CORO1C: variants seen among roughly 807,000 people sequenced by gnomAD.
The protein encoded by CORO1C is coronin 1C.
Under a neutral mutation model 51.2 loss-of-function variants are expected in CORO1C, and 14 were observed. That is an observed-to-expected ratio of 0.27 (90% CI 0.18 to 0.43). CORO1C has a LOEUF of 0.43. Among genes scored for constraint, CORO1C ranks in the 20% least tolerant of loss-of-function variants. CORO1C has a pLI of 1.00. For synonymous variants in CORO1C, 181 were observed against 210.5 expected (o/e 0.86, Z 1.21); for missense variants, 417 against 607.8 (o/e 0.69, Z 3.30).
rs558905344 is a variant in CORO1C, at chr12:108,647,265, G to A, written c.*138C>T. On this transcript the variant is annotated 3_prime_UTR_variant, in exon 11 of 11. Coordinates refer to ENST00000261401, the MANE Select transcript of CORO1C (RefSeq NM_014325.4). ...AGTTCTTACTGGAATGTGGCCTATC[G>A]CTGGTTGACAAATCTGAAATGGAAT... 1.2e-4 allele frequency: 85 copies of A among 722,988 alleles called. No homozygotes were observed. The highest frequency in any genetic ancestry group is 8.7e-4 in the African/African-American group (48 of 54,984). 44.8% of individuals were successfully genotyped at this position (722,988 alleles called of 1,614,324 possible).
intron 6 of CORO1C, among the ~76,000 whole-genome samples, chr12:108,656,810 C>T (rs963454820): frequency 9.2e-5 from 14 of 152,162 alleles, no homozygotes; most frequent in East Asian, 1.9e-4. Context: ...GGATTAAGGG[C>T]GGTGCAAGAT....
chr12:108,708,274 T>C (rs1484102670), intron 1 of CORO1C, among the ~76,000 whole-genome samples: 1 of 152,146 alleles, frequency 6.6e-6, no homozygotes, highest in Non-Finnish European at 1.5e-5. Context: ...AATGTGATAT[T>C]ACCTGTACAA....
Position 108,662,071 on chromosome 12 carries a change from C to T in CORO1C, c.406G>A (p.Val136Met), listed in dbSNP as rs368484021. 6.2e-7 allele frequency: 1 copy of T among 1,614,188 alleles called. No individual in the cohort carries two copies. The highest frequency in any genetic ancestry group is 8.5e-7 in the Non-Finnish European group (1 of 1,180,016). ...LEGHSKRVGI[V>M]AWHPTARNVL... is the part of the protein sequence containing the mutation. The stretch of plus-strand genomic sequence containing the variant: ...TTGCGGGCCGTTGGATGCCAAGCCA[C>T]GATGCCGACTCTCTTTGAGTGGCCT... The change falls in exon 4 of 11, where the codon GTG becomes ATG. Residue 136 changes from valine (V) to methionine (M), a missense_variant. Physicochemically the swap from Val to Met is conservative, Grantham distance 21. Transcript: ENST00000261401.
intron 6 of CORO1C, among the ~76,000 whole-genome samples, chr12:108,655,861 C>A (rs1398080418): frequency 2.0e-5 from 3 of 152,072 alleles, no homozygotes; most frequent in Admixed American, 6.6e-5. Flanking sequence ...ATGTGAGGAG[C>A]CCCTCTGCCC....
At chr12:108,726,111 G>A (rs2035582846) in intron 1 of CORO1C, among the ~76,000 whole-genome samples, 1 of 152,164 alleles carries the variant, frequency 6.6e-6, no homozygotes, top group Admixed American at 6.5e-5. Context: ...GGGATTACAG[G>A]TGTGAGCCAC....
At position 108,728,113 on chromosome 12, in the gene CORO1C, A is replaced by G. The variant is rs144887994; in HGVS notation, c.-6+3316T>C. Among the ~76,000 whole-genome samples, 567 of 152,310 alleles carry G rather than the reference A, an allele frequency of 3.7e-3. 5 individuals are homozygous for G. The highest frequency in any genetic ancestry group is 0.013 in the African/African-American group (538 of 41,576). On this transcript the variant is annotated intron_variant, in intron 1 of 10. Transcript: ENST00000261401. ...ATATACTCTTGGTGAATACCGTAAA[A>G]TGGTGCAGCTGCTTTGGAGAAGTCT...
chr12:108,647,127 C>A lies in CORO1C; in HGVS notation c.*276G>T. 1 of 298,138 alleles carries A rather than the reference C, an allele frequency of 3.4e-6. No homozygotes were observed. The highest frequency in any genetic ancestry group is 6.1e-6 in the Non-Finnish European group (1 of 163,954). The allele number at this position is 298,138 out of a possible 1,614,324, so 18.5% of individuals were successfully genotyped here. On this transcript the variant is annotated 3_prime_UTR_variant, in exon 11 of 11. Transcript: ENST00000261401. ...AGTATCTGGGATTTTAAAAGTAGCA[C>A]TTTTTAAAAAGTTCAACAAGTCACA...
intron 4 of CORO1C, among the ~76,000 whole-genome samples, chr12:108,660,920 A>G (rs778716501): frequency 5.3e-5 from 8 of 152,222 alleles, no homozygotes; most frequent in Admixed American, 1.3e-4. Context: ...TTAACTCACT[A>G]TGAGTCATAA....
chr12:108,662,640 C>T (rs2033320209), intron 3 of CORO1C, among the ~76,000 whole-genome samples: 1 of 152,030 alleles, frequency 6.6e-6, no homozygotes, highest in Non-Finnish European at 1.5e-5. Flanking sequence ...AAGAAAACTA[C>T]AAAATGATTG....
chr12:108,714,385 G>A lies in CORO1C; in HGVS notation c.-5-13062C>T, dbSNP rs188329836. On this transcript the variant is annotated intron_variant, in intron 1 of 10. Coordinates refer to ENST00000261401, the MANE Select transcript of CORO1C (RefSeq NM_014325.4). The stretch of plus-strand genomic sequence containing the variant: ...CCAGCCTGCAGCCTGGCAACAGAGC[G>A]AGAGTCAGTCTCAAAAAAAAAAAAA... Among the ~76,000 whole-genome samples, 31 of 119,490 alleles carry A rather than the reference G, an allele frequency of 2.6e-4. 1 individual carries two copies. In the East Asian group the frequency reaches 3.5e-3, roughly 14 times the overall value. The allele number at this position is 119,490 out of a possible 152,430, so 78.4% of individuals were successfully genotyped here.
intron 2 of CORO1C, among the ~76,000 whole-genome samples, chr12:108,695,877 A>C (rs1044912803): frequency 3.4e-5 from 5 of 149,122 alleles, no homozygotes; most frequent in African/African-American, 9.9e-5. Flanking sequence ...AAAAAAAAAC[A>C]GTCTTTCAAA....
rs76991074 is a variant in CORO1C, at chr12:108,716,391, T to C, written c.-6+15038A>G. The stretch of plus-strand genomic sequence containing the variant: ...AAAAAGGGATGGGGGATATTTTTAT[T>C]AATAACTTCATAAGGCTAGTCACAG... On this transcript the variant is annotated intron_variant, in intron 1 of 10. Coordinates refer to ENST00000261401, the MANE Select transcript of CORO1C (RefSeq NM_014325.4). Among the ~76,000 whole-genome samples the C allele has an allele frequency of 6.4e-3, 968 of 152,252 alleles. 6 individuals are homozygous for C. The highest frequency in any genetic ancestry group is 1.0e-2 in the Non-Finnish European group (679 of 68,016).
chr12:108,729,011 A>T (rs2035654030), intron 1 of CORO1C, among the ~76,000 whole-genome samples: 1 of 152,236 alleles, frequency 6.6e-6, no homozygotes, highest in Non-Finnish European at 1.5e-5. Flanking sequence ...AGACCAATTA[A>T]TAATATGTTT....
intron 1 of CORO1C, among the ~76,000 whole-genome samples, chr12:108,717,299 G>A (rs1402079766): frequency 6.6e-6 from 1 of 152,236 alleles, no homozygotes; most frequent in Non-Finnish European, 1.5e-5. Context: ...GGGTAGAAGA[G>A]GCTGCGAGGT....
chr12:108,667,704 C>T (rs1840755685), intron 3 of CORO1C, among the ~76,000 whole-genome samples: 1 of 151,880 alleles, frequency 6.6e-6, no homozygotes, highest in Non-Finnish European at 1.5e-5. Flanking sequence ...TCTATATAAC[C>T]AAAAAAATGA....
At chr12:108,701,493 A>C (rs1018399849) in intron 1 of CORO1C, 170 bp from the exon 2 acceptor site, 5 of 928,206 alleles carry the variant, frequency 5.4e-6, no homozygotes, top group Non-Finnish European at 4.7e-6. Context: ...ACATACCCGG[A>C]GACAACTGCA....
At chr12:108,696,036 T>C (rs1176835187) in intron 2 of CORO1C, among the ~76,000 whole-genome samples, 1 of 151,910 alleles carries the variant, frequency 6.6e-6, no homozygotes, top group Non-Finnish European at 1.5e-5. Flanking sequence ...CACAGTTGTG[T>C]ATAAGAAAGT....
At chr12:108,726,586 AC>A (rs1010827648) in intron 1 of CORO1C, among the ~76,000 whole-genome samples, 2 of 151,508 alleles carry the variant, frequency 1.3e-5, no homozygotes, top group Non-Finnish European at 2.9e-5. Context: ...AAGGTAGGAG[AC>A]TTGCTTGAGC....
chr12:108,655,199 AT>A (rs1213645966), intron 6 of CORO1C, among the ~76,000 whole-genome samples: 2 of 152,220 alleles, frequency 1.3e-5, no homozygotes, highest in African/African-American at 4.8e-5. Flanking sequence ...TGTATGTTGT[AT>A]TTTTCCCCAC....
Sources: gnomAD v4.1 joint callset for allele counts (sites outside exome capture counted in the v4.1 genomes callset) on GRCh38, gnomAD v4.1.1 for gene constraint, MANE v1.5 for transcripts, NCBI Gene and HGNC (gene_info 2026-07-23, HGNC 2026-07-21) for gene names.